RIMS1: variants seen among roughly 807,000 people sequenced by gnomAD.
RIMS1 encodes regulating synaptic membrane exocytosis 1.
Under a neutral mutation model 214.1 loss-of-function variants are expected in RIMS1, and 83 were observed. The ratio of observed to expected loss-of-function variants is 0.39; its 90% CI spans 0.32 to 0.47. The LOEUF (loss-of-function observed/expected upper bound fraction) is 0.47, where lower values mean the gene tolerates loss of function less well. RIMS1 is among the 20% of genes least tolerant of loss of function. The pLI is 0.99. For missense variants in RIMS1, 2,050 were observed against 2,161.8 expected (o/e 0.95, Z 1.03); for synonymous variants, 793 against 786.8 (o/e 1.01, Z -0.13).
chr6:72,068,996 C>A (rs1388985460), intron 2 of RIMS1, among the ~76,000 whole-genome samples: 3 of 142,712 alleles, frequency 2.1e-5, no homozygotes. Flanking sequence ...AAGAGGAAAC[C>A]TCCAGAAATA....
rs574729806 is a variant in RIMS1, at chr6:72,182,797, G to A, written c.1326G>A (p.Lys442=). ...CGGAGACCAGGGCGCCGGGCGCCAA[G>A]CAGCTAACGAACCACAGCCCGCCGG... ...RTAETRAPGA[K]QLTNHSPPAP... is the part of the protein sequence containing the mutation. Residue 442 remains lysine, a synonymous_variant, in exon 6 of 34, where the codon AAG becomes AAA. Transcript: ENST00000521978. 11 of 1,547,730 alleles carry A rather than the reference G, an allele frequency of 7.1e-6. No individual in the cohort carries two copies. The Admixed American group carries it at 1.2e-4, about 16-fold the overall frequency.
chr6:71,982,898 C>A (rs1798856650), intron 2 of RIMS1, among the ~76,000 whole-genome samples: 1 of 152,120 alleles, frequency 6.6e-6, no homozygotes, highest in South Asian at 2.1e-4. Context: ...TGCACAGTGC[C>A]TGATTGTCTT....
intron 29 of RIMS1, among the ~76,000 whole-genome samples, chr6:72,379,233 T>A (rs2154416336): frequency 6.6e-6 from 1 of 152,344 alleles, no homozygotes; most frequent in Non-Finnish European, 1.5e-5. Context: ...GTCCCAGTGG[T>A]CATCCCAGTC....
chr6:72,223,056 A>G (rs1294584883), intron 6 of RIMS1, among the ~76,000 whole-genome samples: 1 of 152,190 alleles, frequency 6.6e-6, no homozygotes, highest in African/African-American at 2.4e-5. Context: ...TCCCATTTAC[A>G]GTGTGCATCT....
At chr6:72,396,241 TG>T (rs1343605963) in intron 31 of RIMS1, among the ~76,000 whole-genome samples, 1 of 151,974 alleles carries the variant, frequency 6.6e-6, no homozygotes, top group Admixed American at 6.6e-5. Flanking sequence ...GAAAATAGAG[TG>T]GAGTTTACTT....
At chr6:72,244,053 T>A (rs2068232851) in intron 10 of RIMS1, among the ~76,000 whole-genome samples, 1 of 151,526 alleles carries the variant, frequency 6.6e-6, no homozygotes, top group Admixed American at 6.6e-5. Flanking sequence ...TGTAGTCCTG[T>A]TTAACAACTA....
intron 6 of RIMS1, among the ~76,000 whole-genome samples, chr6:72,217,742 C>T (rs997129220): frequency 2.0e-5 from 3 of 152,046 alleles, no homozygotes; most frequent in African/African-American, 4.8e-5. Context: ...AGAACACATT[C>T]GTGGAAATGC....
chr6:72,008,573 A>T (rs1365381040), intron 2 of RIMS1, among the ~76,000 whole-genome samples: 2 of 152,232 alleles, frequency 1.3e-5, no homozygotes, highest in African/African-American at 2.4e-5. Context: ...TCTATTCAGG[A>T]GACCCATCTC....
chr6:72,068,041 G>A (rs1410397926), intron 2 of RIMS1, among the ~76,000 whole-genome samples: 1 of 152,154 alleles, frequency 6.6e-6, no homozygotes, highest in African/African-American at 2.4e-5. Context: ...TGATTTAAAT[G>A]AAAGGATGTC....
At chr6:72,001,729 C>G (rs1805335306) in intron 2 of RIMS1, among the ~76,000 whole-genome samples, 1 of 152,106 alleles carries the variant, frequency 6.6e-6, no homozygotes, top group African/African-American at 2.4e-5. Flanking sequence ...TTATGGTTGT[C>G]TGCAGCAGTA....
chr6:72,149,535 G>T (rs2043222133), intron 4 of RIMS1, among the ~76,000 whole-genome samples: 1 of 152,098 alleles, frequency 6.6e-6, no homozygotes. Flanking sequence ...TGATGGGGGT[G>T]GGGGTGGTGG....
chr6:72,268,490 TA>T (rs2154180548), intron 22 of RIMS1, among the ~76,000 whole-genome samples: 1 of 152,308 alleles, frequency 6.6e-6, no homozygotes, highest in East Asian at 1.9e-4. Flanking sequence ...CATGCCTTTA[TA>T]CCAACTTAAC....
intron 1 of RIMS1, among the ~76,000 whole-genome samples, chr6:71,940,990 T>C (rs767405407): frequency 1.3e-5 from 2 of 152,166 alleles, no homozygotes; most frequent in African/African-American, 2.4e-5. Context: ...CAGGGTCTCA[T>C]AGTCAGGAAG....
intron 22 of RIMS1, among the ~76,000 whole-genome samples, chr6:72,269,455 C>T (rs2082036987): frequency 6.6e-6 from 1 of 152,162 alleles, no homozygotes; most frequent in African/African-American, 2.4e-5. Flanking sequence ...CACTCCAATA[C>T]ATATGAAGAC....
rs143419527 is a variant in RIMS1 at position 72,374,277 on chromosome 6, T to C, written c.4367-16321T>C. The stretch of plus-strand genomic sequence containing the variant: ...CTCACCACCAAACCATTTCTTTTTA[T>C]GTCCTAAGAGTTTTCTTTTGGTCTT... On this transcript the variant is annotated intron_variant, in intron 29 of 33. Coordinates refer to ENST00000521978, the MANE Select transcript of RIMS1 (RefSeq NM_014989.7). Among the ~76,000 whole-genome samples the C allele has an allele frequency of 3.0e-3, 461 of 152,336 alleles. 1 individual carries two copies. The highest frequency in any genetic ancestry group is 9.5e-3 in the African/African-American group (395 of 41,586).
At chr6:72,280,106 AT>A (rs773815128) in intron 23 of RIMS1, among the ~76,000 whole-genome samples, 1 of 151,740 alleles carries the variant, frequency 6.6e-6, no homozygotes, top group Non-Finnish European at 1.5e-5. Flanking sequence ...GTTCTTTTTT[AT>A]TGTAATTTTT....
chr6:72,342,275 T>C (rs1046141260), intron 29 of RIMS1, among the ~76,000 whole-genome samples: 1 of 151,774 alleles, frequency 6.6e-6, no homozygotes, highest in Non-Finnish European at 1.5e-5. Flanking sequence ...CATTCATCTC[T>C]ATCTTAATTC....
intron 8 of RIMS1, 50 bp from the exon 9 acceptor site, chr6:72,237,773 C>T (rs2064872195): frequency 2.4e-6 from 3 of 1,271,222 alleles, no homozygotes; most frequent in Non-Finnish European, 2.3e-6. Context: ...AACTAATAAG[C>T]TTATGTTTTA....
chr6:72,204,382 G>T (rs1156985046), intron 6 of RIMS1, among the ~76,000 whole-genome samples: 1 of 152,162 alleles, frequency 6.6e-6, no homozygotes, highest in Admixed American at 6.5e-5. Flanking sequence ...AAAAACTTCA[G>T]CCATGCCCTT....
Sources: gnomAD v4.1 joint callset for allele counts (sites outside exome capture counted in the v4.1 genomes callset) on GRCh38, gnomAD v4.1.1 for gene constraint, MANE v1.5 for transcripts, NCBI Gene and HGNC (gene_info 2026-07-23, HGNC 2026-07-21) for gene names.